The following SNX30 variants were observed in gnomAD, a reference collection of about 807,000 sequenced individuals.
SNX30 encodes the protein sorting nexin family member 30.
A neutral mutation model predicts 46.4 loss-of-function variants in SNX30; 24 were observed. The ratio of observed to expected loss-of-function variants is 0.52; its 90% CI spans 0.37 to 0.73. The LOEUF is 0.73. SNX30 is among the 30% of genes least tolerant of loss of function. SNX30 has a pLI of 0.00. For missense variants in SNX30, 533 were observed against 555.7 expected, an observed-to-expected ratio of 0.96 and a Z score of 0.41; for synonymous variants, 189 against 211.5, an observed-to-expected ratio of 0.89 and a Z score of 0.92.
At position 112,850,890 on chromosome 9, in the gene SNX30, C is replaced by T. The variant is rs766746975; in HGVS notation, c.1046C>T (p.Ala349Val). 1 of 1,613,888 alleles carries T rather than the reference C, an allele frequency of 6.2e-7. No homozygotes were observed. The highest frequency in any genetic ancestry group is 8.5e-7 in the Non-Finnish European group (1 of 1,179,934). Residue 349 changes from alanine (A) to valine (V), a missense_variant, in exon 7 of 9, where the codon GCA becomes GTA. Around this residue, in one of 3 missense-constraint regions of SNX30, gnomAD observed 261 missense variants for 270.9 expected, o/e 0.96. Coordinates refer to ENST00000374232, the MANE Select transcript of SNX30 (RefSeq NM_001012994.2). Reference protein sequence around the residue: ...SVLKKRDQVQAEYEAKLEAVA... With the variant: ...SVLKKRDQVQVEYEAKLEAVA... ...TTGAAGAAGAGGGACCAAGTTCAAG[C>T]AGAGTATGAAGCCAAACTGGAAGCT...
intron 1 of SNX30, among the ~76,000 whole-genome samples, chr9:112,798,291 A>T (rs1588120457): frequency 1.8e-5 from 1 of 54,084 alleles, no homozygotes. Flanking sequence ...CCCCGACCCC[A>T]CCACAGTCCC....
At chr9:112,752,049 A>G (rs2131340515) in intron 1 of SNX30, among the ~76,000 whole-genome samples, 1 of 152,266 alleles carries the variant, frequency 6.6e-6, no homozygotes, top group African/African-American at 2.4e-5. Context: ...AGGTCTTGTG[A>G]TCAAGATTTT....
chr9:112,844,509 G>A (rs1840907690), intron 6 of SNX30, among the ~76,000 whole-genome samples: 1 of 152,130 alleles, frequency 6.6e-6, no homozygotes, highest in East Asian at 1.9e-4. Context: ...CTGCGCCTGT[G>A]GCATGGTAAT....
intron 1 of SNX30, among the ~76,000 whole-genome samples, chr9:112,785,909 C>T (rs1204417726): frequency 1.3e-5 from 2 of 152,152 alleles, no homozygotes; most frequent in African/African-American, 2.4e-5. Context: ...TCTATCAGCA[C>T]CCTTTTCAAC....
intron 1 of SNX30, among the ~76,000 whole-genome samples, chr9:112,786,680 A>T (rs73548646): frequency 0.011 from 1,660 of 145,862 alleles, 24 homozygotes; most frequent in African/African-American, 0.039. Flanking sequence ...TTTTTTTTTT[A>T]AACTTTTGAG....
At chr9:112,841,179 A>G (rs118153482) in intron 6 of SNX30, among the ~76,000 whole-genome samples, 193 of 152,304 alleles carry the variant, frequency 1.3e-3, no homozygotes, top group East Asian at 6.8e-3. Context: ...GAAAAATCCA[A>G]TGCATACACA....
intron 1 of SNX30, among the ~76,000 whole-genome samples, chr9:112,791,268 G>A (rs990774169): frequency 2.6e-5 from 4 of 151,824 alleles, no homozygotes; most frequent in African/African-American, 9.7e-5. Context: ...GGATTTGCCT[G>A]TTCTGACATT....
intron 6 of SNX30, among the ~76,000 whole-genome samples, chr9:112,846,963 C>T (rs937819413): frequency 1.1e-4 from 17 of 152,258 alleles, no homozygotes; most frequent in Admixed American, 7.2e-4. Context: ...TGTGCTTTCC[C>T]GTAGATGCCA....
At chr9:112,880,075 A>T (rs1473247611) in exon 5 of SNX30, 2 of 358,038 alleles carry the variant, frequency 5.6e-6, no homozygotes, top group Non-Finnish European at 1.0e-5. Flanking sequence ...TTATGCCTGT[A>T]ATCCCAACAG....
In SNX30 at chr9:112,821,427, GTGTGTT is replaced by G. The variant is rs1231448335; in HGVS notation, c.459+3616_459+3621del. Among the ~76,000 whole-genome samples, 152 of 151,716 alleles carry G rather than the reference GTGTGTT, an allele frequency of 1.0e-3. 3 individuals are homozygous for G. The highest frequency in any genetic ancestry group is 9.7e-3 in the Admixed American group (148 of 15,228). On this transcript the variant is annotated intron_variant, in intron 3 of 8. Coordinates refer to ENST00000374232, the MANE Select transcript of SNX30 (RefSeq NM_001012994.2). ...TATATATATGTGTGTATATATATAT[GTGTGTT>G]TGTATATATGTGTATATATGTGTGT... is the stretch of plus-strand genomic sequence containing the variant.
At chr9:112,862,002 G>C (rs537172265) in intron 7 of SNX30, among the ~76,000 whole-genome samples, 2 of 152,338 alleles carry the variant, frequency 1.3e-5, no homozygotes, top group East Asian at 3.9e-4. Flanking sequence ...TAGGTTACGG[G>C]AGACAAGATT....
At chr9:112,853,913 A>T (rs1252712020) in intron 7 of SNX30, among the ~76,000 whole-genome samples, 1 of 152,242 alleles carries the variant, frequency 6.6e-6, no homozygotes, top group Non-Finnish European at 1.5e-5. Context: ...TTAAATATTT[A>T]AGGAAAAATA....
At chr9:112,794,149 T>C (rs1840069371) in intron 1 of SNX30, among the ~76,000 whole-genome samples, 1 of 152,114 alleles carries the variant, frequency 6.6e-6, no homozygotes, top group South Asian at 2.1e-4. Flanking sequence ...ACACATTCAT[T>C]CATTTTTTTT....
intron 2 of SNX30, among the ~76,000 whole-genome samples, chr9:112,815,025 A>C (rs1417853450): frequency 1.3e-5 from 2 of 152,262 alleles, no homozygotes; most frequent in African/African-American, 2.4e-5. Context: ...GACAATGAGT[A>C]AATGAATGAA....
Position 112,751,030 on chromosome 9 carries a change from C to G in SNX30, c.29C>G (p.Pro10Arg), listed in dbSNP as rs1026858647. The G allele has an allele frequency of 4.9e-6, 7 of 1,435,748 alleles. No homozygotes were observed. The Admixed American group carries it at 7.4e-5, about 15-fold the overall frequency. The allele number at this position is 1,435,748 out of a possible 1,614,324, so 88.9% of individuals were successfully genotyped here. A position where few individuals can be genotyped will look rare whatever the true frequency, so the allele number is the denominator to read the frequency against. ...GCGGGCGGGCCCCCCAAGGCCCTGC[C>G]GTCCACGGGGCCCCACTCCCTGCGC... Reference protein sequence around the residue: MAGGPPKALPSTGPHSLRDM... With the variant: MAGGPPKALRSTGPHSLRDM... Residue 10 changes from proline to arginine, a missense_variant, in exon 1 of 9, where the codon CCG (proline) becomes CGG (arginine). Transcript: ENST00000374232.
chr9:112,841,620 C>G (rs1038033996), intron 6 of SNX30, among the ~76,000 whole-genome samples: 4 of 152,192 alleles, frequency 2.6e-5, no homozygotes, highest in African/African-American at 9.6e-5. Flanking sequence ...CTCCACTTTT[C>G]ACCAGGAAAA....
At chr9:112,882,036 A>G (rs1841583735), downstream of SNX30, among the ~76,000 whole-genome samples, 1 of 152,128 alleles carries the variant, frequency 6.6e-6, no homozygotes, top group Non-Finnish European at 1.5e-5. Flanking sequence ...ATAGGAGGTG[A>G]GAGAGGGTGG....
At chr9:112,783,357 TC>T (rs1178111816) in intron 1 of SNX30, among the ~76,000 whole-genome samples, 1 of 152,194 alleles carries the variant, frequency 6.6e-6, no homozygotes, top group Non-Finnish European at 1.5e-5. Context: ...ATAAAATTCC[TC>T]CCCTCTGCCA....
At chr9:112,867,169 AG>A (rs1481726596) in intron 8 of SNX30, among the ~76,000 whole-genome samples, 2 of 129,048 alleles carry the variant, frequency 1.5e-5, no homozygotes, top group Non-Finnish European at 3.2e-5. Flanking sequence ...ATTCCTTCTC[AG>A]GATTCCTCCT....
Sources: allele counts gnomAD v4.1 joint callset (sites outside exome capture counted in the v4.1 genomes callset), GRCh38; gene constraint gnomAD v4.1.1; regional missense constraint gnomAD v4.1.1; transcripts MANE v1.5; gene names NCBI Gene and HGNC (gene_info 2026-07-23, HGNC 2026-07-21).